BANK1: variants seen among roughly 807,000 people sequenced by gnomAD.
BANK1 encodes B-cell scaffold protein with ankyrin repeats.
BANK1 carries 95 observed loss-of-function variants against 94.5 expected under a neutral mutation model. The observed-to-expected ratio is 1.00, with a 90% CI of 0.85 to 1.19. The LOEUF (loss-of-function observed/expected upper bound fraction) is 1.19, where lower values mean the gene tolerates loss of function less well. BANK1 is among the 50% of genes most tolerant of loss of function. The pLI, the probability that BANK1 is intolerant of heterozygous loss-of-function variation, is 0.00. For missense variants in BANK1, 987 were observed against 932.2 expected (o/e 1.06, Z -0.77); for synonymous variants, 334 against 308.4 (o/e 1.08, Z -0.87).
At chr4:101,974,265 G>C (rs937633554) in intron 7 of BANK1, among the ~76,000 whole-genome samples, 26 of 152,002 alleles carry the variant, frequency 1.7e-4, no homozygotes, top group African/African-American at 6.0e-4. Flanking sequence ...GTTATGGAGG[G>C]CAGCATTTAG....
chr4:101,852,025 A>T (rs1353315406), intron 2 of BANK1, among the ~76,000 whole-genome samples: 1 of 152,032 alleles, frequency 6.6e-6, no homozygotes, highest in East Asian at 1.9e-4. Flanking sequence ...CGAATTTTCT[A>T]TTTGAAGTTG....
At chr4:102,043,960 A>T in intron 11 of BANK1, 53 bp downstream of exon 11, 1 of 1,086,848 alleles carries the variant, frequency 9.2e-7, no homozygotes, top group Non-Finnish European at 1.4e-6. Flanking sequence ...AATATCAAGA[A>T]ATCTTATGAA....
At chr4:101,856,988 A>G (rs1727702805) in intron 3 of BANK1, among the ~76,000 whole-genome samples, 2 of 152,166 alleles carry the variant, frequency 1.3e-5, no homozygotes, top group Non-Finnish European at 2.9e-5. Context: ...GTCTGAATCC[A>G]TAAGACTATT....
intron 7 of BANK1, among the ~76,000 whole-genome samples, chr4:101,966,699 A>T (rs1724773850): frequency 6.6e-6 from 1 of 152,046 alleles, no homozygotes; most frequent in Non-Finnish European, 1.5e-5. Flanking sequence ...TTGGCTCCCA[A>T]GTGAGAATAA....
intron 7 of BANK1, among the ~76,000 whole-genome samples, chr4:102,016,486 C>T (rs1186678113): frequency 6.6e-6 from 1 of 152,162 alleles, no homozygotes; most frequent in African/African-American, 2.4e-5. Flanking sequence ...CCCCTCTTCA[C>T]ATTATGGCTC....
intron 7 of BANK1, among the ~76,000 whole-genome samples, chr4:101,993,127 A>G (rs148045613): frequency 4.9e-4 from 75 of 152,232 alleles, no homozygotes; most frequent in Middle Eastern, 3.4e-3. Flanking sequence ...ATTTTATGTA[A>G]TCTGTTAACT....
intron 7 of BANK1, among the ~76,000 whole-genome samples, chr4:101,938,214 G>T (rs1723636961): frequency 6.6e-6 from 1 of 151,586 alleles, no homozygotes. Flanking sequence ...TTCTGCACAC[G>T]TATCCCAGAG....
chr4:101,908,520 C>A lies in BANK1; in HGVS notation c.1010-9473C>A, dbSNP rs187811694. Reference sequence around the variant, plus strand: ...GGCAAGGACTTCATGACTAAAACACCAAAAGCAATGGCAACAAAAGCCAAA... The same window carrying A: ...GGCAAGGACTTCATGACTAAAACACAAAAAGCAATGGCAACAAAAGCCAAA... On this transcript the variant is annotated intron_variant, in intron 6 of 16. Transcript: ENST00000322953. Among the ~76,000 whole-genome samples the A allele has an allele frequency of 5.3e-3, 803 of 152,188 alleles. 31 individuals carry two copies. Among genetic ancestry groups the A allele is most frequent in the East Asian group, 3.5e-3 (18 of 5,184 alleles).
chr4:101,852,680 CTTT>C (rs1164249751), intron 2 of BANK1, among the ~76,000 whole-genome samples: 1 of 151,202 alleles, frequency 6.6e-6, no homozygotes, highest in African/African-American at 2.4e-5. Flanking sequence ...GTTAAATACT[CTTT>C]GATAGAATTA....
At chr4:101,881,275 A>C (rs1728666054) in intron 5 of BANK1, among the ~76,000 whole-genome samples, 1 of 152,098 alleles carries the variant, frequency 6.6e-6, no homozygotes, top group Admixed American at 6.6e-5. Context: ...AAAAAATCTA[A>C]ATAGACATTT....
chr4:101,947,199 G>T (rs1346522059), intron 7 of BANK1, among the ~76,000 whole-genome samples: 1 of 150,200 alleles, frequency 6.7e-6, no homozygotes, highest in Non-Finnish European at 1.5e-5. Flanking sequence ...TTTCTCAAAT[G>T]TAGGTGTACT....
At chr4:101,863,589 A>C (rs764892723) in intron 4 of BANK1, among the ~76,000 whole-genome samples, 9 of 152,130 alleles carry the variant, frequency 5.9e-5, no homozygotes, top group African/African-American at 2.4e-5. Flanking sequence ...TGTGGAAGGC[A>C]TGTGTATGGA....
intron 7 of BANK1, among the ~76,000 whole-genome samples, chr4:101,969,780 G>A (rs1250953377): frequency 6.6e-6 from 1 of 152,068 alleles, no homozygotes; most frequent in Non-Finnish European, 1.5e-5. Context: ...TCAGCAGGGA[G>A]AGTAGTGGTG....
intron 7 of BANK1, among the ~76,000 whole-genome samples, chr4:102,002,521 A>T (rs1224034434): frequency 6.7e-6 from 1 of 150,300 alleles, no homozygotes; most frequent in Non-Finnish European, 1.5e-5. Flanking sequence ...ACAATTTTTG[A>T]TGGTAGACAA....
rs530710672 is a variant in BANK1, at chr4:101,859,698, A to G, written c.625-2828A>G. Among the ~76,000 whole-genome samples the G allele has an allele frequency of 3.3e-5, 5 of 152,352 alleles. No individual in the cohort carries two copies. The South Asian group carries it at 8.3e-4, about 25-fold the overall frequency. On this transcript the variant is annotated intron_variant, in intron 3 of 16. Coordinates refer to ENST00000322953, the MANE Select transcript of BANK1 (RefSeq NM_017935.5). Reference sequence around the variant, plus strand: ...GGAAGCTTTGAGTACTGAGAGAAGTATGGAACAGAGCTGAGCATGCTCAAT... The same window carrying G: ...GGAAGCTTTGAGTACTGAGAGAAGTGTGGAACAGAGCTGAGCATGCTCAAT...
At chr4:101,834,032 AC>A (rs1726727172) in intron 2 of BANK1, among the ~76,000 whole-genome samples, 1 of 152,210 alleles carries the variant, frequency 6.6e-6, no homozygotes, top group Non-Finnish European at 1.5e-5. Flanking sequence ...ATGGCTCTCC[AC>A]ACCCATAATT....
At chr4:101,928,681 A>G (rs745974400) in intron 7 of BANK1, among the ~76,000 whole-genome samples, 1 of 151,684 alleles carries the variant, frequency 6.6e-6, no homozygotes, top group Non-Finnish European at 1.5e-5. Context: ...ATAGACTTAT[A>G]TTGAACCTAT....
chr4:101,977,278 G>A (rs1490151895), intron 7 of BANK1, among the ~76,000 whole-genome samples: 1 of 152,104 alleles, frequency 6.6e-6, no homozygotes, highest in Non-Finnish European at 1.5e-5. Flanking sequence ...AGGGAATGTG[G>A]TGAATCACAC....
intron 6 of BANK1, among the ~76,000 whole-genome samples, chr4:101,917,578 G>A (rs1722869035): frequency 6.6e-6 from 1 of 151,830 alleles, no homozygotes; most frequent in African/African-American, 2.4e-5. Context: ...TTCAACTTTG[G>A]AAGGAAGCAA....
Sources: allele counts gnomAD v4.1 joint callset (sites outside exome capture counted in the v4.1 genomes callset), GRCh38; gene constraint gnomAD v4.1.1; transcripts MANE v1.5; gene names NCBI Gene and HGNC (gene_info 2026-07-23, HGNC 2026-07-21).